Variants in DUSP14 observed in about 807,000 individuals in gnomAD.
DUSP14 encodes dual specificity phosphatase 14.
DUSP14 carries 5 observed loss-of-function variants against 13.2 expected under a neutral mutation model. The observed-to-expected ratio is 0.38, with a 90% CI of 0.20 to 0.80. The LOEUF (loss-of-function observed/expected upper bound fraction) is 0.80. Ranked by LOEUF, DUSP14 falls within the 30% of genes least tolerant of loss-of-function variation. The pLI, the probability that DUSP14 is intolerant of heterozygous loss-of-function variation, is 0.44. For synonymous variants in DUSP14, 91 were observed against 103.4 expected, an observed-to-expected ratio of 0.88 and a Z score of 0.73; for missense variants, 185 against 264.0, an observed-to-expected ratio of 0.70 and a Z score of 2.07.
chr17:37,512,843 C>T lies in DUSP14; in HGVS notation c.571C>T (p.His191Tyr), dbSNP rs765280614. Residue 191 changes from histidine (H) to tyrosine (Y), a missense_variant, in exon 3 of 3, where the codon CAC becomes TAC. Coordinates refer to ENST00000617516, the MANE Select transcript of DUSP14 (RefSeq NM_007026.4). The surrounding 1 kb of genome is among the most constrained non-coding windows in gnomAD (Gnocchi z 4.8). ...VPDVYEKESR[H>Y]LMPYWGI ...CGACGTCTATGAGAAGGAGTCCCGA[C>T]ACCTGATGCCTTACTGGGGGATTTA... The T allele has an allele frequency of 6.2e-7, 1 of 1,604,986 alleles. No homozygotes were observed. The highest frequency in any genetic ancestry group is 1.7e-5 in the Admixed American group (1 of 59,902).
chr17:37,498,445 G>C (rs922117515), intron 1 of DUSP14, among the ~76,000 whole-genome samples: 3 of 145,876 alleles, frequency 2.1e-5, no homozygotes, highest in Non-Finnish European at 4.5e-5. Context: ...TCCTGCCTCA[G>C]CCTCCCCAGT....
At chr17:37,493,672 CTTTTT>C (rs35368460) in intron 1 of DUSP14, among the ~76,000 whole-genome samples, 1 of 137,324 alleles carries the variant, frequency 7.3e-6, no homozygotes, top group African/African-American at 2.7e-5. Context: ...TTTCATCAAT[CTTTTT>C]TTTTTTTTTT....
chr17:37,501,687 C>T (rs1410543578), intron 1 of DUSP14, among the ~76,000 whole-genome samples: 4 of 151,964 alleles, frequency 2.6e-5, no homozygotes, highest in Non-Finnish European at 4.4e-5. Flanking sequence ...GGCTAATTTT[C>T]GTATTTTTTA....
intron 1 of DUSP14, among the ~76,000 whole-genome samples, chr17:37,508,593 G>A (rs1171389281): frequency 6.6e-6 from 1 of 152,032 alleles, no homozygotes; most frequent in Middle Eastern, 3.4e-3. Context: ...AAATAGCAAC[G>A]TGTGGTGGTG....
At chr17:37,511,525 C>T (rs1446680434) in intron 2 of DUSP14, among the ~76,000 whole-genome samples, 1 of 151,236 alleles carries the variant, frequency 6.6e-6, no homozygotes, top group Non-Finnish European at 1.5e-5. Flanking sequence ...AGGTGATCCA[C>T]CCGCCTCAGC....
At chr17:37,507,861 T>C (rs984471690) in intron 1 of DUSP14, among the ~76,000 whole-genome samples, 2 of 152,194 alleles carry the variant, frequency 1.3e-5, no homozygotes, top group Admixed American at 6.5e-5. Flanking sequence ...TTTGTGTTTA[T>C]TACCACAGTG....
At chr17:37,488,771 G>A (rs1161440561), upstream of DUSP14, among the ~76,000 whole-genome samples, 1 of 152,186 alleles carries the variant, frequency 6.6e-6, no homozygotes, top group African/African-American at 2.4e-5. Context: ...AGCCGGTTGG[G>A]CAGTGGAGAT....
intron 1 of DUSP14, among the ~76,000 whole-genome samples, chr17:37,500,408 A>C (rs186362997): frequency 6.6e-6 from 1 of 152,190 alleles, no homozygotes. Flanking sequence ...TCTAATTTAT[A>C]AATTCTGTTC....
chr17:37,511,937 A>AGTTTTTTTTTTTTTTTT (rs1329764853), intron 2 of DUSP14, among the ~76,000 whole-genome samples: 1,067 of 16,368 alleles, frequency 0.065, 170 homozygotes, highest in Admixed American at 0.13. Flanking sequence ...CCCCCACCCC[A>AGTTTTTTTTTTTTTTTT]CTTTTTTTTT....
chr17:37,500,749 A>G (rs2054099027), intron 1 of DUSP14, among the ~76,000 whole-genome samples: 1 of 152,214 alleles, frequency 6.6e-6, no homozygotes, highest in Non-Finnish European at 1.5e-5. Flanking sequence ...AGTTATCATT[A>G]AACAAGTTTA....
intron 1 of DUSP14, among the ~76,000 whole-genome samples, chr17:37,492,372 A>G (rs2054034819): frequency 1.3e-5 from 2 of 152,258 alleles, no homozygotes; most frequent in South Asian, 4.1e-4. Flanking sequence ...AACATTTAAG[A>G]TGGCTTTATT....
At chr17:37,497,171 C>CAA (rs999855659) in intron 1 of DUSP14, among the ~76,000 whole-genome samples, 1 of 150,918 alleles carries the variant, frequency 6.6e-6, no homozygotes, top group Non-Finnish European at 1.5e-5. Context: ...TTTTTAAAGA[C>CAA]AGAGTCTCTT....
At chr17:37,508,371 C>T (rs1474821996) in intron 1 of DUSP14, among the ~76,000 whole-genome samples, 2 of 152,206 alleles carry the variant, frequency 1.3e-5, no homozygotes, top group African/African-American at 2.4e-5. Flanking sequence ...GCAGTCTGTG[C>T]GCACAGCCCT....
intron 2 of DUSP14, among the ~76,000 whole-genome samples, chr17:37,511,937 A>AGGTTTTTTTTTTTTTTTTTTT (rs1329764853): frequency 1.2e-4 from 2 of 16,440 alleles, no homozygotes; most frequent in African/African-American, 2.1e-4. Flanking sequence ...CCCCCACCCC[A>AGGTTTTTTTTTTTTTTTTTTT]CTTTTTTTTT....
chr17:37,507,854 G>A (rs1167347055), intron 1 of DUSP14, among the ~76,000 whole-genome samples: 1 of 152,114 alleles, frequency 6.6e-6, no homozygotes, highest in Non-Finnish European at 1.5e-5. Flanking sequence ...GCCTAATTTT[G>A]TGTTTATTAC....
At chr17:37,510,236 C>T (rs1438110586) in intron 1 of DUSP14, 1 of 152,338 alleles carries the variant, frequency 6.6e-6, no homozygotes, top group African/African-American at 2.4e-5. Context: ...CTGCTTGGCT[C>T]ACCCTTGCTG....
chr17:37,506,110 A>G lies in DUSP14; in HGVS notation c.-180-4567A>G, dbSNP rs529541466. On this transcript the variant is annotated intron_variant, in intron 1 of 2. Coordinates refer to ENST00000617516, the MANE Select transcript of DUSP14 (RefSeq NM_007026.4). ...AAACTCTGTTTCTACTAAAAAATAC[A>G]AAAAATTAGCTGGGCATGGTGGCAT... Among the ~76,000 whole-genome samples, 3 of 152,152 alleles carry G rather than the reference A, an allele frequency of 2.0e-5. No homozygotes were observed. The South Asian group carries it at 6.2e-4, about 32-fold the overall frequency.
chr17:37,509,553 C>G (rs1035839123), intron 1 of DUSP14, among the ~76,000 whole-genome samples: 1 of 151,638 alleles, frequency 6.6e-6, no homozygotes, highest in Non-Finnish European at 1.5e-5. Flanking sequence ...AACTCCTGGC[C>G]TCAAGTGATC....
chr17:37,512,183 A>C lies in DUSP14; in HGVS notation c.-90A>C. ...TGACACATACCTGTATTTTGCAGGAAGGAGACTCTAATTTTGGATTCCTTG... is the reference window on the plus strand; with the variant it reads ...TGACACATACCTGTATTTTGCAGGACGGAGACTCTAATTTTGGATTCCTTG... On this transcript the variant is annotated splice_region_variant and 5_prime_UTR_variant, in exon 3 of 3. Coordinates refer to ENST00000617516, the MANE Select transcript of DUSP14 (RefSeq NM_007026.4). This position sits in a 1 kb window ranked among gnomAD's most constrained non-coding sequence, Gnocchi z 4.8. 2 of 1,053,206 alleles carry C rather than the reference A, an allele frequency of 1.9e-6. No individual in the cohort carries two copies. The highest frequency in any genetic ancestry group is 1.4e-6 in the Non-Finnish European group (1 of 721,734). 65.2% of individuals were successfully genotyped at this position (1,053,206 alleles called of 1,614,324 possible).
Sources: gnomAD v4.1 joint callset for allele counts (sites outside exome capture counted in the v4.1 genomes callset) on GRCh38, gnomAD v4.1.1 for gene constraint, Gnocchi (gnomAD v3.1) non-coding constraint, MANE v1.5 for transcripts, NCBI Gene and HGNC (gene_info 2026-07-23, HGNC 2026-07-21) for gene names.